The following VPS13D variants were observed in gnomAD, a reference collection of about 807,000 sequenced individuals.
VPS13D encodes the protein intermembrane lipid transfer protein VPS13D.
A neutral mutation model predicts 461.9 loss-of-function variants in VPS13D; 187 were observed. The ratio of observed to expected loss-of-function variants is 0.40; its 90% CI spans 0.36 to 0.46. The LOEUF (loss-of-function observed/expected upper bound fraction) is 0.46, where lower values mean the gene tolerates loss of function less well. Among genes scored for constraint, VPS13D ranks in the 20% least tolerant of loss-of-function variants. The pLI, the probability that VPS13D is intolerant of heterozygous loss-of-function variation, is 0.60. For missense variants in VPS13D, 4,711 were observed against 5,364.9 expected, an observed-to-expected ratio of 0.88 and a Z score of 3.81; for synonymous variants, 1,951 against 1,986.3, an observed-to-expected ratio of 0.98 and a Z score of 0.47.
intron 65 of VPS13D, among the ~76,000 whole-genome samples, chr1:12,444,516 T>A (rs1645169457): frequency 6.6e-6 from 1 of 152,164 alleles, no homozygotes; most frequent in Non-Finnish European, 1.5e-5. Flanking sequence ...ATGCAGAATT[T>A]GGACCTTTTT....
At position 12,485,213 on chromosome 1, in the gene VPS13D, G is replaced by C. The variant is rs548301731; in HGVS notation, c.12663-12287G>C. Among the ~76,000 whole-genome samples, 10 of 152,276 alleles carry C rather than the reference G, an allele frequency of 6.6e-5. No individual in the cohort carries two copies. In the South Asian group the frequency reaches 8.3e-4, roughly 13 times the overall value. ...TTAAAACATGTTATTTAGTTTAACC[G>C]CATGGGCCCGGCTTCAGCAACATTG... On this transcript the variant is annotated intron_variant, in intron 67 of 69. Transcript: ENST00000620676.
At chr1:12,280,088 G>A (rs1339158186) in intron 20 of VPS13D, among the ~76,000 whole-genome samples, 1 of 152,180 alleles carries the variant, frequency 6.6e-6, no homozygotes, top group African/African-American at 2.4e-5. Context: ...AATGGGCCAG[G>A]ATAGGGATTT....
At chr1:12,400,964 A>G (rs955212636) in intron 61 of VPS13D, among the ~76,000 whole-genome samples, 1,296 of 79,422 alleles carry the variant, frequency 0.016, 7 homozygotes, top group Non-Finnish European at 0.024. Context: ...GCGCGCGCGC[A>G]CACACACACA....
chr1:12,311,781 G>A, intron 28 of VPS13D, 32 bp from the exon 29 acceptor site: 1 of 1,602,608 alleles, frequency 6.2e-7, no homozygotes, highest in Non-Finnish European at 8.5e-7. Flanking sequence ...GGCATCATCA[G>A]CTGTGGATTG....
In VPS13D at chr1:12,416,651, AT is replaced by A; in HGVS notation, c.12166-6del. The A allele has an allele frequency of 3.1e-6, 5 of 1,611,026 alleles. No homozygotes were observed. Among genetic ancestry groups the A allele is most frequent in the Non-Finnish European group, 4.2e-6 (5 of 1,179,038 alleles). The stretch of plus-strand genomic sequence containing the variant: ...GATTGGACTTTTCTCTTCCTGTTCC[AT>A]TTGGCAGGAACTCCTCAGCCAGGCA... On this transcript the variant is annotated splice_region_variant and splice_polypyrimidine_tract_variant and intron_variant, in intron 64 of 69. Coordinates refer to ENST00000620676, the MANE Select transcript of VPS13D (RefSeq NM_015378.4).
intron 10 of VPS13D, among the ~76,000 whole-genome samples, chr1:12,258,393 A>C (rs551652425): frequency 6.6e-6 from 1 of 152,154 alleles, no homozygotes. Context: ...TGTTTCATAC[A>C]GTCACCCGCC....
chr1:12,362,629 C>G, intron 50 of VPS13D, 91 bp from the exon 51 acceptor site: 6 of 1,264,842 alleles, frequency 4.7e-6, no homozygotes, highest in Non-Finnish European at 5.6e-6. Flanking sequence ...CTCAGAGAAA[C>G]TAAGTAACTG....
At chr1:12,376,766 G>A (rs1215938232) in intron 55 of VPS13D, among the ~76,000 whole-genome samples, 1 of 152,192 alleles carries the variant, frequency 6.6e-6, no homozygotes, top group Non-Finnish European at 1.5e-5. Flanking sequence ...TGATGCTCTG[G>A]AGGAGTTCCT....
chr1:12,323,725 G>A lies in VPS13D; in HGVS notation c.7935G>A (p.Leu2645=), dbSNP rs1643104767. 2 of 1,614,032 alleles carry A rather than the reference G, an allele frequency of 1.2e-6. No individual in the cohort carries two copies. Among genetic ancestry groups the A allele is most frequent in the Admixed American group, 1.7e-5 (1 of 60,020 alleles). ...DPVLELQLAR[L]QELGFSMDDC... ...TCCTAGAGTTACAGCTGGCTAGGCT[G>A]CAGGAGCTGGGATTCAGCATGGATG... Residue 2645 remains leucine, a synonymous_variant, in exon 35 of 70, where the codon CTG becomes CTA. Transcript: ENST00000620676.
intron 17 of VPS13D, among the ~76,000 whole-genome samples, chr1:12,271,579 G>T (rs192440520): frequency 1.0e-3 from 157 of 152,244 alleles, no homozygotes; most frequent in Admixed American, 8.9e-3. Flanking sequence ...GGAGGCAGGA[G>T]AATCACTTGA....
intron 17 of VPS13D, 84 bp downstream of exon 17, chr1:12,271,208 G>A: frequency 6.5e-7 from 1 of 1,541,568 alleles, no homozygotes; most frequent in African/African-American, 1.4e-5. Context: ...ACTGTAGATA[G>A]GCTTACTTAT....
chr1:12,242,768 T>G (rs2101204176), intron 3 of VPS13D, among the ~76,000 whole-genome samples, 178 bp downstream of exon 3: 1 of 152,222 alleles, frequency 6.6e-6, no homozygotes, highest in Middle Eastern at 3.4e-3. Context: ...GATGACCTTG[T>G]GATGGTGGTG....
chr1:12,500,052 C>A (rs557381604), intron 68 of VPS13D: 2 of 985,232 alleles, frequency 2.0e-6, no homozygotes, highest in East Asian at 1.1e-4. Context: ...TCCAGTTAGG[C>A]TCACTGTTTC....
chr1:12,480,105 C>G (rs1047905700), intron 67 of VPS13D, among the ~76,000 whole-genome samples: 8 of 152,188 alleles, frequency 5.3e-5, no homozygotes, highest in Non-Finnish European at 1.0e-4. Flanking sequence ...GTCCCTGGTC[C>G]ATCCCTGTGT....
chr1:12,268,599 A>G (rs1472992427), intron 15 of VPS13D, 107 bp from the exon 16 acceptor site: 35 of 1,297,800 alleles, frequency 2.7e-5, no homozygotes, highest in Non-Finnish European at 3.7e-5. Flanking sequence ...GAACTAATTG[A>G]AAAATAATTT....
In VPS13D at chr1:12,299,402, A is replaced by C; in HGVS notation, c.6216+18A>C. 1 of 1,587,394 alleles carries C rather than the reference A, an allele frequency of 6.3e-7. No individual in the cohort carries two copies. The highest frequency in any genetic ancestry group is 8.5e-7 in the Non-Finnish European group (1 of 1,170,116). ...AAGATAAGGTGAGCAATCAGTATCC[A>C]TTTCCTTTTCCGTTCAGCTAGTATT... is the stretch of plus-strand genomic sequence containing the variant. On this transcript the variant is annotated intron_variant, in intron 25 of 69. Transcript: ENST00000620676. This position sits in a 1 kb window ranked among gnomAD's most constrained non-coding sequence, Gnocchi z 4.2.
chr1:12,254,467 A>G (rs904930283), intron 7 of VPS13D, among the ~76,000 whole-genome samples: 4 of 151,180 alleles, frequency 2.6e-5, no homozygotes, highest in African/African-American at 7.3e-5. Context: ...AAAGTCATAA[A>G]TCATCAGATA....
Position 12,260,977 on chromosome 1 carries a change from A to G in VPS13D, c.1242A>G (p.Pro414=). 6.2e-7 allele frequency: 1 copy of G among 1,613,856 alleles called. No individual in the cohort carries two copies. Among genetic ancestry groups the G allele is most frequent in the South Asian group, 1.1e-5 (1 of 91,068 alleles). Residue 414 remains proline (P), a synonymous_variant, in exon 12 of 70, where the codon CCA becomes CCG. Transcript: ENST00000620676. ...ESLREPQFDS[P]GACPGAPEPG... The stretch of plus-strand genomic sequence containing the variant: ...TGCGGGAGCCTCAGTTTGATTCTCC[A>G]GGAGCCTGTCCGGGAGCCCCAGAAC...
chr1:12,304,836 A>G (rs1642518733), intron 26 of VPS13D, 108 bp downstream of exon 26: 8 of 1,086,540 alleles, frequency 7.4e-6, no homozygotes, highest in Admixed American at 2.3e-5. Context: ...TAACGAAGAG[A>G]TAGCATTTCT....
Sources: allele counts gnomAD v4.1 joint callset (sites outside exome capture counted in the v4.1 genomes callset), GRCh38; gene constraint gnomAD v4.1.1; non-coding constraint Gnocchi (gnomAD v3.1); transcripts MANE v1.5; gene names NCBI Gene and HGNC (gene_info 2026-07-23, HGNC 2026-07-21).